ASXL1: variants seen among roughly 807,000 people sequenced by gnomAD.
The protein encoded by ASXL1 is ASXL transcriptional regulator 1.
Under a neutral mutation model 89.1 loss-of-function variants are expected in ASXL1, and 65 were observed. That is an observed-to-expected ratio of 0.73 (90% CI 0.60 to 0.90). The LOEUF (loss-of-function observed/expected upper bound fraction) is 0.90. ASXL1 is among the 40% of genes least tolerant of loss of function. The probability of loss-of-function intolerance (pLI) is 0.00; values close to 1 mark genes in which losing one functional copy is unlikely to be tolerated. For synonymous variants in ASXL1, 739 were observed against 746.9 expected, an observed-to-expected ratio of 0.99 and a Z score of 0.17; for missense variants, 1,786 against 1,942.9, an observed-to-expected ratio of 0.92 and a Z score of 1.52.
chr20:32,436,984 T>C lies in ASXL1; in HGVS notation c.4272T>C (p.Pro1424=). Residue 1424 remains proline, a synonymous_variant, in exon 13 of 13, where the codon CCT becomes CCC. Coordinates refer to ENST00000375687, the MANE Select transcript of ASXL1 (RefSeq NM_015338.6). ...PREPGKGLSE[P]LEPSSLPSQL... ...AGCCAGGGAAGGGGCTCAGTGAGCC[T>C]CTGGAGCCTTCTTCTCTCCCCTCCC... The C allele has an allele frequency of 6.2e-7, 1 of 1,614,022 alleles. No individual in the cohort carries two copies. Among genetic ancestry groups the C allele is most frequent in the Non-Finnish European group, 8.5e-7 (1 of 1,180,008 alleles).
At chr20:32,432,334 C>T (rs2011542751) in intron 10 of ASXL1, 1 of 177,622 alleles carries the variant, frequency 5.6e-6, no homozygotes, top group Non-Finnish European at 1.2e-5. Context: ...TATGAAATGT[C>T]TACTAGGGAA....
At chr20:32,359,931 G>T in intron 1 of ASXL1, 2 of 694,524 alleles carry the variant, frequency 2.9e-6, no homozygotes, top group South Asian at 3.1e-5. Flanking sequence ...CGAGGTTGTG[G>T]TGCGGATAGC....
chr20:32,364,841 C>T (rs144088433), intron 1 of ASXL1, among the ~76,000 whole-genome samples: 32 of 152,244 alleles, frequency 2.1e-4, no homozygotes, highest in African/African-American at 6.5e-4. Context: ...GCACAAGGTA[C>T]GTGTTCCATG....
Position 32,429,303 on chromosome 20 carries a change from A to G in ASXL1, c.472-35A>G, listed in dbSNP as rs745405358. ...GAATGCTTTTGTGGCTCTGCAGTTGACTTGGGCTCTCTTTTGTTCTCTCTT... is the reference window on the plus strand; with the variant it reads ...GAATGCTTTTGTGGCTCTGCAGTTGGCTTGGGCTCTCTTTTGTTCTCTCTT... On this transcript the variant is annotated intron_variant, in intron 6 of 12. Coordinates refer to ENST00000375687, the MANE Select transcript of ASXL1 (RefSeq NM_015338.6). This position sits in a 1 kb window ranked among gnomAD's most constrained non-coding sequence, Gnocchi z 4.9. 9 of 1,602,880 alleles carry G rather than the reference A, an allele frequency of 5.6e-6. No homozygotes were observed. Among genetic ancestry groups the G allele is most frequent in the Non-Finnish European group, 7.7e-6 (9 of 1,171,010 alleles).
chr20:32,372,294 G>A, intron 4 of ASXL1: 1 of 1,230,744 alleles, frequency 8.1e-7, no homozygotes. Context: ...TGTGCTAATT[G>A]AATATTTGCT....
rs762720533 is a variant in ASXL1, at chr20:32,436,530, G to A, written c.3818G>A (p.Arg1273His). Residue 1273 changes from arginine (R) to histidine (H), a missense_variant, in exon 13 of 13, where the codon CGT becomes CAT. Transcript: ENST00000375687. ...PGDLTTSRTP[R>H]FSSPNVISFG... ...GATCTTACTACCTCGAGAACACCTCGTTTCTCATCTCCAAATGTGATCTCC... is the reference window on the plus strand; with the variant it reads ...GATCTTACTACCTCGAGAACACCTCATTTCTCATCTCCAAATGTGATCTCC... 17 of 1,614,094 alleles carry A rather than the reference G, an allele frequency of 1.1e-5. No homozygotes were observed. The highest frequency in any genetic ancestry group is 3.3e-4 in the Middle Eastern group (2 of 6,084).
chr20:32,383,328 A>G (rs2048521420), intron 4 of ASXL1, among the ~76,000 whole-genome samples: 1 of 149,740 alleles, frequency 6.7e-6, no homozygotes, highest in East Asian at 2.0e-4. Context: ...TTCTTTTGAG[A>G]CGGAGTCTGT....
intron 4 of ASXL1, among the ~76,000 whole-genome samples, chr20:32,412,162 T>A (rs2049059871): frequency 6.6e-6 from 1 of 152,232 alleles, no homozygotes; most frequent in Non-Finnish European, 1.5e-5. Context: ...AATATAGTAT[T>A]CATACTAATA....
chr20:32,413,978 T>G (rs2049093999), intron 4 of ASXL1, among the ~76,000 whole-genome samples: 1 of 152,206 alleles, frequency 6.6e-6, no homozygotes, highest in Non-Finnish European at 1.5e-5. Context: ...AGATTGTTGG[T>G]TGGGCTCAGA....
intron 4 of ASXL1, among the ~76,000 whole-genome samples, chr20:32,390,184 A>G (rs868007931): frequency 3.3e-5 from 5 of 152,254 alleles, no homozygotes; most frequent in Non-Finnish European, 7.3e-5. Flanking sequence ...ATCATCAAAC[A>G]CAAAGCCTAT....
In ASXL1 at chr20:32,435,084, C is replaced by T; in HGVS notation, c.2372C>T (p.Ser791Phe). Reference sequence around the variant, plus strand: ...CCGGATGTTAGAACTGAATGTGAGTCTGGCACCACTTCCTGGGAAAGTGAT... The same window carrying T: ...CCGGATGTTAGAACTGAATGTGAGTTTGGCACCACTTCCTGGGAAAGTGAT... ...LHPDVRTECESGTTSWESDDE... is the reference protein window; with the variant it reads ...LHPDVRTECEFGTTSWESDDE... Residue 791 changes from serine to phenylalanine, a missense_variant, in exon 13 of 13, where the codon TCT becomes TTT. Physicochemically the swap from Ser to Phe is radical, Grantham distance 155. Transcript: ENST00000375687. 6.2e-7 allele frequency: 1 copy of T among 1,614,082 alleles called. No homozygotes were observed. Among genetic ancestry groups the T allele is most frequent in the East Asian group, 2.2e-5 (1 of 44,874 alleles).
intron 4 of ASXL1, among the ~76,000 whole-genome samples, chr20:32,424,205 C>T (rs1044388283): frequency 6.6e-6 from 1 of 152,026 alleles, no homozygotes; most frequent in African/African-American, 2.4e-5. Flanking sequence ...GTAGAAAATA[C>T]CCACAATTGA....
chr20:32,366,230 A>G (rs985435418), intron 1 of ASXL1, among the ~76,000 whole-genome samples, 154 bp from the exon 2 acceptor site: 1 of 152,234 alleles, frequency 6.6e-6, no homozygotes, highest in Admixed American at 6.5e-5. Context: ...GTAACTAGAT[A>G]TATGTGTAAT....
chr20:32,435,050 C>T lies in ASXL1; in HGVS notation c.2338C>T (p.Gln780Ter), dbSNP rs751021760. 7 of 1,614,020 alleles carry T rather than the reference C, an allele frequency of 4.3e-6. No homozygotes were observed. The highest frequency in any genetic ancestry group is 1.7e-5 in the Admixed American group (1 of 60,014). Residue 780 changes from glutamine (Q) to a stop codon, truncating the protein, a stop_gained, in exon 13 of 13, where the codon CAG (glutamine) becomes TAG (stop). Transcript: ENST00000375687. LOFTEE classifies it low-confidence loss of function (END_TRUNC). ...SVAERLVEQP[Q>*]LHPDVRTECE... ...AGCTGAGAGATTAGTGGAGCAGCCT[C>T]AGTTGCATCCGGATGTTAGAACTGA... is the stretch of plus-strand genomic sequence containing the variant.
rs183090211 is a variant in ASXL1 at position 32,375,323 on chromosome 20, C to A, written c.252+6200C>A. ...AATTAGCTGGGTGTGGTGGCGTGCA[C>A]CTGTAATCCCAGCTACTCGGGAGGC... On this transcript the variant is annotated intron_variant, in intron 4 of 12. Coordinates refer to ENST00000375687, the MANE Select transcript of ASXL1 (RefSeq NM_015338.6). 6.4e-4 allele frequency among the ~76,000 whole-genome samples: 98 copies of A among 152,056 alleles called. 1 individual carries two copies. The highest frequency in any genetic ancestry group is 2.2e-3 in the African/African-American group (92 of 41,486).
intron 8 of ASXL1, 41 bp downstream of exon 8, chr20:32,430,094 C>A (rs1418952952): frequency 6.3e-7 from 1 of 1,590,278 alleles, no homozygotes; most frequent in Non-Finnish European, 8.5e-7. Context: ...GTAAAGGGGG[C>A]CCCTGCAGGC....
At chr20:32,361,770 T>C (rs1213206006) in intron 1 of ASXL1, among the ~76,000 whole-genome samples, 3 of 151,672 alleles carry the variant, frequency 2.0e-5, no homozygotes, top group Non-Finnish European at 4.4e-5. Flanking sequence ...AGGGGGAACT[T>C]TTTAAGAGTC....
chr20:32,359,875 G>A, intron 1 of ASXL1: 2 of 717,010 alleles, frequency 2.8e-6, no homozygotes, highest in Non-Finnish European at 2.6e-6. Context: ...GATACCAGTA[G>A]TAACAGGTTA....
intron 4 of ASXL1, among the ~76,000 whole-genome samples, chr20:32,391,036 C>T (rs2048662468): frequency 1.3e-5 from 2 of 151,978 alleles, no homozygotes; most frequent in Admixed American, 1.3e-4. Flanking sequence ...TGCAGGCGCA[C>T]ACCACCATGT....
Sources: allele counts gnomAD v4.1 joint callset (sites outside exome capture counted in the v4.1 genomes callset), GRCh38; gene constraint gnomAD v4.1.1; non-coding constraint Gnocchi (gnomAD v3.1); transcripts MANE v1.5; gene names NCBI Gene and HGNC (gene_info 2026-07-23, HGNC 2026-07-21).